The following CLVS1 variants were observed in gnomAD, a reference collection of about 807,000 sequenced individuals.
The protein encoded by CLVS1 is clavesin-1.
In CLVS1, 10 loss-of-function variants were observed where a neutral mutation model predicts 33.1. The observed-to-expected ratio is 0.30, with a 90% confidence interval of 0.19 to 0.51. The LOEUF is 0.51. Ranked by LOEUF, CLVS1 falls within the 20% of genes least tolerant of loss-of-function variation. The pLI is 0.97. For synonymous variants in CLVS1, 163 were observed against 166.1 expected, an observed-to-expected ratio of 0.98 and a Z score of 0.14; for missense variants, 343 against 433.4, an observed-to-expected ratio of 0.79 and a Z score of 1.85.
chr8:61,312,190 C>T (rs1265801661), intron 2 of CLVS1, among the ~76,000 whole-genome samples: 1 of 152,182 alleles, frequency 6.6e-6, no homozygotes, highest in Non-Finnish European at 1.5e-5. Context: ...ACTCCAACCC[C>T]CAATTCCTGT....
chr8:61,283,294 A>G (rs1047437498), upstream of CLVS1, among the ~76,000 whole-genome samples: 1 of 152,186 alleles, frequency 6.6e-6, no homozygotes, highest in African/African-American at 2.4e-5. Context: ...CCTTTTTGTC[A>G]AGAATTTCCA....
At position 61,253,433 on chromosome 8, in the gene CLVS1, C is replaced by G. The variant is rs530899518; in HGVS notation, c.-151-46244C>G. Reference sequence around the variant, plus strand: ...CTCTTCTCGAGGAGTAACTTTGTGGCATTCTCTGTATTTCCTGAATTTGAA... The same window carrying G: ...CTCTTCTCGAGGAGTAACTTTGTGGGATTCTCTGTATTTCCTGAATTTGAA... On this transcript the variant is annotated intron_variant, in intron 2 of 2. Transcript: ENST00000522621. 2.0e-5 allele frequency among the ~76,000 whole-genome samples: 3 copies of G among 152,248 alleles called. No individual in the cohort carries two copies. In the East Asian group the frequency reaches 5.8e-4, roughly 29 times the overall value.
At chr8:61,224,191 G>T (rs983533583) in intron 2 of CLVS1, among the ~76,000 whole-genome samples, 3 of 151,808 alleles carry the variant, frequency 2.0e-5, no homozygotes, top group Admixed American at 2.0e-4. Flanking sequence ...CTCCTCCTCC[G>T]TCCAGTTCTG....
At chr8:61,240,786 T>C (rs1808681841) in intron 2 of CLVS1, among the ~76,000 whole-genome samples, 1 of 152,066 alleles carries the variant, frequency 6.6e-6, no homozygotes, top group African/African-American at 2.4e-5. Context: ...CTGGCTAAAA[T>C]CTACAGTGCA....
intron 5 of CLVS1, among the ~76,000 whole-genome samples, chr8:61,472,254 G>T (rs73259354): frequency 0.016 from 2,506 of 152,222 alleles, 65 homozygotes; most frequent in African/African-American, 0.057. Context: ...TTTCCCAAGG[G>T]TGGGGATGAT....
chr8:61,332,849 G>C (rs981470068), intron 2 of CLVS1, among the ~76,000 whole-genome samples: 5 of 152,112 alleles, frequency 3.3e-5, no homozygotes, highest in Admixed American at 6.5e-5. Context: ...TGGCCAGGCT[G>C]GTCTTGAACT....
the CLVS1 span, among the ~76,000 whole-genome samples, chr8:61,011,037 C>T: frequency 2.6e-5 from 4 of 152,190 alleles, no homozygotes; most frequent in African/African-American, 9.7e-5. Flanking sequence ...CACGCCTGTC[C>T]CGTCACCGCT....
chr8:61,416,711 C>T (rs917199297), intron 3 of CLVS1, among the ~76,000 whole-genome samples: 1 of 152,210 alleles, frequency 6.6e-6, no homozygotes, highest in Non-Finnish European at 1.5e-5. Flanking sequence ...GAGCTTCCAC[C>T]TAGTAATGCA....
intron 3 of CLVS1, among the ~76,000 whole-genome samples, chr8:61,380,161 T>G (rs1813813572): frequency 6.6e-6 from 1 of 152,196 alleles, no homozygotes. Context: ...GTGGATGTGA[T>G]TCTAGGTACT....
the CLVS1 span, among the ~76,000 whole-genome samples, chr8:60,996,101 A>T: frequency 1.3e-5 from 2 of 151,924 alleles, no homozygotes; most frequent in African/African-American, 4.9e-5. Flanking sequence ...AGCATGGCAC[A>T]TGTATACATA....
chr8:61,333,093 C>T (rs970176433), intron 2 of CLVS1, among the ~76,000 whole-genome samples: 11 of 152,134 alleles, frequency 7.2e-5, no homozygotes, highest in Non-Finnish European at 1.5e-4. Context: ...TCTTTAATGC[C>T]ATCAAAGTTT....
At chr8:61,092,378 A>G (rs906549751) in intron 1 of CLVS1, among the ~76,000 whole-genome samples, 1 of 152,190 alleles carries the variant, frequency 6.6e-6, no homozygotes, top group Non-Finnish European at 1.5e-5. Flanking sequence ...TCAGTGCTTG[A>G]AGCCTCATAG....
intron 3 of CLVS1, among the ~76,000 whole-genome samples, chr8:61,418,877 G>T (rs1191443503): frequency 6.6e-6 from 1 of 152,186 alleles, no homozygotes; most frequent in African/African-American, 2.4e-5. Flanking sequence ...ACATATGCCT[G>T]CCCTGGATGG....
At chr8:61,019,809 A>C in the CLVS1 span, among the ~76,000 whole-genome samples, 1 of 152,098 alleles carries the variant, frequency 6.6e-6, no homozygotes, top group African/African-American at 2.4e-5. Flanking sequence ...CCTTCCAAGC[A>C]GAACACCAAT....
intron 1 of CLVS1, among the ~76,000 whole-genome samples, chr8:61,090,240 A>T (rs1450705077): frequency 6.6e-6 from 1 of 152,230 alleles, no homozygotes; most frequent in Non-Finnish European, 1.5e-5. Context: ...CACATTTAAG[A>T]ACTTTGAATG....
At chr8:61,406,846 C>A (rs1269795247) in intron 3 of CLVS1, among the ~76,000 whole-genome samples, 1 of 152,146 alleles carries the variant, frequency 6.6e-6, no homozygotes, top group African/African-American at 2.4e-5. Context: ...TGCGCTCAGG[C>A]AATCCACCCA....
At chr8:61,434,236 C>A (rs536463032) in intron 3 of CLVS1, among the ~76,000 whole-genome samples, 42 of 152,218 alleles carry the variant, frequency 2.8e-4, no homozygotes, top group Admixed American at 4.6e-4. Context: ...GGTAAAGAAA[C>A]CAGTAATGAA....
chr8:61,273,247 G>GCCAC (rs1328803812), intron 2 of CLVS1, among the ~76,000 whole-genome samples: 4 of 151,982 alleles, frequency 2.6e-5, no homozygotes, highest in Non-Finnish European at 2.9e-5. Flanking sequence ...GGAATACCCT[G>GCCAC]CCGTGTGAGG....
intron 3 of CLVS1, among the ~76,000 whole-genome samples, chr8:61,428,313 T>G (rs1017909740): frequency 4.6e-5 from 7 of 152,228 alleles, no homozygotes; most frequent in Non-Finnish European, 8.8e-5. Context: ...GTCAACTGTG[T>G]GCTGAAGTCT....
Sources: allele counts gnomAD v4.1 joint callset (sites outside exome capture counted in the v4.1 genomes callset), GRCh38; gene constraint gnomAD v4.1.1; transcripts MANE v1.5; gene names NCBI Gene and HGNC (gene_info 2026-07-23, HGNC 2026-07-21).